ARNT: variants seen among roughly 807,000 people sequenced by gnomAD.
ARNT encodes the protein class E basic helix-loop-helix protein 2.
A neutral mutation model predicts 105.0 loss-of-function variants in ARNT; 30 were observed. That is an observed-to-expected ratio of 0.29 (90% CI 0.21 to 0.39). The LOEUF is 0.39. Among genes scored for constraint, ARNT ranks in the 10% least tolerant of loss-of-function variants. The pLI is 1.00. For missense variants in ARNT, 748 were observed against 978.7 expected, an observed-to-expected ratio of 0.76 and a Z score of 3.15; for synonymous variants, 304 against 344.0, an observed-to-expected ratio of 0.88 and a Z score of 1.29.
rs777179058 is a variant in ARNT, at chr1:150,812,126, G to C, written c.2281-16C>G. On this transcript the variant is annotated splice_polypyrimidine_tract_variant and intron_variant, in intron 21 of 21. Coordinates refer to ENST00000358595, the MANE Select transcript of ARNT (RefSeq NM_001668.4). ...ACAGCATCTCCTGATAAAAGAAAAA[G>C]ATTAAGTTTGGGTCACACACCTTGA... The C allele has an allele frequency of 6.5e-7, 1 of 1,545,990 alleles. No individual in the cohort carries two copies.
chr1:150,864,477 T>C (rs1054018986), intron 1 of ARNT, among the ~76,000 whole-genome samples: 4 of 151,504 alleles, frequency 2.6e-5, no homozygotes, highest in East Asian at 1.9e-4. Flanking sequence ...ATGGACGAAA[T>C]TGGAAATCAT....
At chr1:150,858,249 A>G in intron 2 of ARNT, 100 bp downstream of exon 2, 1 of 815,548 alleles carries the variant, frequency 1.2e-6, no homozygotes, top group Non-Finnish European at 2.0e-6. Flanking sequence ...TTGAAGTGAG[A>G]TGGTCAGGAA....
intron 1 of ARNT, among the ~76,000 whole-genome samples, chr1:150,874,511 T>A (rs1345544994): frequency 6.6e-6 from 1 of 152,106 alleles, no homozygotes; most frequent in African/African-American, 2.4e-5. Flanking sequence ...TAGCAAGGCA[T>A]CTGTCTCTAC....
Position 150,810,145 on chromosome 1 carries a change from A to T in ARNT, c.*1876T>A. The T allele has an allele frequency of 4.3e-6, 1 of 231,954 alleles. No individual in the cohort carries two copies. 14.4% of individuals were successfully genotyped at this position (231,954 alleles called of 1,614,324 possible). A position where few individuals can be genotyped will look rare whatever the true frequency, so the allele number is the denominator to read the frequency against. On this transcript the variant is annotated 3_prime_UTR_variant, in exon 22 of 22. Coordinates refer to ENST00000358595, the MANE Select transcript of ARNT (RefSeq NM_001668.4). ...TTGAAAATCTTTGCTACATGTCATT[A>T]TTTTTGCCACTGTAAAGCTTAGCAC...
At chr1:150,836,670 T>C (rs921924632) in intron 6 of ARNT, among the ~76,000 whole-genome samples, 177 bp from the exon 7 acceptor site, 2 of 152,052 alleles carry the variant, frequency 1.3e-5, no homozygotes, top group Non-Finnish European at 1.5e-5. Context: ...GATAAGAAAG[T>C]TTTTTCTAAT....
At chr1:150,821,014 C>T (rs933038989) in intron 14 of ARNT, among the ~76,000 whole-genome samples, 8 of 152,150 alleles carry the variant, frequency 5.3e-5, no homozygotes, top group Non-Finnish European at 8.8e-5. Flanking sequence ...CAGTTGAACA[C>T]GTTTTGTATG....
intron 1 of ARNT, among the ~76,000 whole-genome samples, chr1:150,861,674 G>A (rs1665668556): frequency 6.6e-6 from 1 of 152,178 alleles, no homozygotes; most frequent in African/African-American, 2.4e-5. Flanking sequence ...GGCCATACAT[G>A]TGGTATGTGC....
chr1:150,870,501 G>C (rs1667257193), intron 1 of ARNT, among the ~76,000 whole-genome samples: 1 of 151,956 alleles, frequency 6.6e-6, no homozygotes, highest in African/African-American at 2.4e-5. Context: ...AAGTATGCTG[G>C]TTTTGTTGTG....
At chr1:150,823,532 C>T (rs1230468609) in intron 13 of ARNT, among the ~76,000 whole-genome samples, 187 bp from the exon 14 acceptor site, 1 of 151,214 alleles carries the variant, frequency 6.6e-6, no homozygotes, top group Non-Finnish European at 1.5e-5. Flanking sequence ...ATTTCTCATG[C>T]TTCCTTTCAG....
chr1:150,854,023 G>C (rs1282952228), intron 2 of ARNT, among the ~76,000 whole-genome samples: 5 of 152,012 alleles, frequency 3.3e-5, no homozygotes, highest in Non-Finnish European at 5.9e-5. Flanking sequence ...CCCCTAATCT[G>C]GTCACCTGTA....
chr1:150,815,253 T>C (rs916900618), intron 19 of ARNT, among the ~76,000 whole-genome samples: 4 of 152,022 alleles, frequency 2.6e-5, no homozygotes, highest in Admixed American at 2.0e-4. Context: ...ATGAATATTA[T>C]AAAAGAATTT....
chr1:150,870,436 A>G (rs989356049), intron 1 of ARNT, among the ~76,000 whole-genome samples: 2 of 152,166 alleles, frequency 1.3e-5, no homozygotes, highest in Non-Finnish European at 2.9e-5. Flanking sequence ...TAAGCACTGC[A>G]ATGCTCTGGT....
At chr1:150,858,714 T>C (rs1003967352) in intron 1 of ARNT, among the ~76,000 whole-genome samples, 6 of 151,138 alleles carry the variant, frequency 4.0e-5, no homozygotes, top group Non-Finnish European at 8.8e-5. Context: ...CTCAAACTCC[T>C]GGGCTCAAGC....
At chr1:150,876,503 C>G (rs757226269) in intron 1 of ARNT, 40 bp downstream of exon 1, 1 of 1,547,788 alleles carries the variant, frequency 6.5e-7, no homozygotes, top group Non-Finnish European at 8.7e-7. Flanking sequence ...CCCCTTCGGC[C>G]CCTCCCCTTT....
chr1:150,853,372 A>G (rs1663999760), intron 2 of ARNT: 1 of 245,456 alleles, frequency 4.1e-6, no homozygotes, highest in Non-Finnish European at 8.5e-6. Context: ...TCTTTGCCAG[A>G]GTTTTCAATC....
chr1:150,821,122 T>C (rs1246531951), intron 14 of ARNT, among the ~76,000 whole-genome samples: 3 of 152,230 alleles, frequency 2.0e-5, no homozygotes, highest in Admixed American at 6.5e-5. Flanking sequence ...AGCACTGTAC[T>C]GTATTTATCG....
intron 3 of ARNT, among the ~76,000 whole-genome samples, chr1:150,850,770 G>C (rs1663232488): frequency 1.3e-5 from 2 of 151,306 alleles, no homozygotes; most frequent in African/African-American, 4.9e-5. Flanking sequence ...GAGCCCCTCT[G>C]CCCGGCTGCC....
intron 11 of ARNT, chr1:150,829,496 G>GAAC (rs1658928484): frequency 1.7e-6 from 1 of 597,606 alleles, no homozygotes; most frequent in Admixed American, 2.7e-5. Context: ...TGGCTATGCT[G>GAAC]AACTCATTAC....
At chr1:150,870,367 T>C (rs1233141930) in intron 1 of ARNT, among the ~76,000 whole-genome samples, 1 of 152,200 alleles carries the variant, frequency 6.6e-6, no homozygotes, top group Admixed American at 6.5e-5. Flanking sequence ...GGGTTTTACA[T>C]TCATTTTTAT....
Sources: allele counts gnomAD v4.1 joint callset (sites outside exome capture counted in the v4.1 genomes callset), GRCh38; gene constraint gnomAD v4.1.1; transcripts MANE v1.5; gene names NCBI Gene and HGNC (gene_info 2026-07-23, HGNC 2026-07-21).